PRKCA: variants seen among roughly 807,000 people sequenced by gnomAD.
The protein encoded by PRKCA is protein kinase C alpha type.
Under a neutral mutation model 87.0 loss-of-function variants are expected in PRKCA, and 27 were observed. That is an observed-to-expected ratio of 0.31 (90% CI 0.23 to 0.43). The LOEUF is 0.43. Ranked by LOEUF, PRKCA falls within the 20% of genes least tolerant of loss-of-function variation. The pLI, the probability that PRKCA is intolerant of heterozygous loss-of-function variation, is 1.00. For synonymous variants in PRKCA, 329 were observed against 311.1 expected (o/e 1.06, Z -0.61); for missense variants, 518 against 852.3 (o/e 0.61, Z 4.88).
chr17:66,509,674 G>A (rs565790056), intron 3 of PRKCA, among the ~76,000 whole-genome samples: 1 of 152,292 alleles, frequency 6.6e-6, no homozygotes, highest in South Asian at 2.1e-4. Context: ...ATGACCAAAT[G>A]TCTGGGCACC....
intron 5 of PRKCA, among the ~76,000 whole-genome samples, chr17:66,675,756 G>T (rs546491367): frequency 6.6e-6 from 1 of 152,080 alleles, no homozygotes; most frequent in East Asian, 1.9e-4. Context: ...CCTCTCCTGC[G>T]GCCACCGGAG....
intron 3 of PRKCA, among the ~76,000 whole-genome samples, chr17:66,556,887 G>A (rs1354467457): frequency 1.3e-5 from 2 of 152,144 alleles, no homozygotes; most frequent in African/African-American, 4.8e-5. Flanking sequence ...CCTTATAACA[G>A]CATGAGAATG....
At chr17:66,627,224 A>G (rs916436925) in intron 3 of PRKCA, among the ~76,000 whole-genome samples, 4 of 152,232 alleles carry the variant, frequency 2.6e-5, no homozygotes, top group African/African-American at 7.2e-5. Flanking sequence ...GCAAACTTCA[A>G]AATTTTTTAA....
Position 66,742,647 on chromosome 17 carries a change from T to C in PRKCA, c.1411T>C (p.Leu471=), listed in dbSNP as rs747591558. The C allele has an allele frequency of 2.5e-6, 4 of 1,614,164 alleles. No homozygotes were observed. The East Asian group carries it at 8.9e-5, about 36-fold the overall frequency. ...GGATCTGAAGTTAGATAACGTCATG[T>C]TGGATTCAGAAGGACATATCAAAAT... is the stretch of plus-strand genomic sequence containing the variant. The part of the protein sequence containing the change: ...YRDLKLDNVM[L]DSEGHIKIAD... Residue 471 remains leucine (L), a synonymous_variant, in exon 13 of 17, where the codon TTG becomes CTG. Coordinates refer to ENST00000413366, the MANE Select transcript of PRKCA (RefSeq NM_002737.3).
chr17:66,703,880 T>G (rs1861830173), intron 8 of PRKCA: 3 of 152,204 alleles, frequency 2.0e-5, no homozygotes, highest in Admixed American at 2.0e-4. Context: ...TATATAGTCA[T>G]TTATTATCGA....
In PRKCA at chr17:66,302,784, G is replaced by GC; in HGVS notation, c.-63dup. On this transcript the variant is annotated 5_prime_UTR_variant, in exon 1 of 17. Coordinates refer to ENST00000413366, the MANE Select transcript of PRKCA (RefSeq NM_002737.3). ...CCCGAGCCCGCACCTCTCCCCCGCC[G>GC]CCCCCGCCCACCCGGCCCTCCGCGG... 1.1e-4 allele frequency: 154 copies of GC among 1,354,324 alleles called. No individual in the cohort carries two copies. Among genetic ancestry groups the GC allele is most frequent in the Non-Finnish European group, 1.4e-4 (143 of 1,034,718 alleles). The allele number at this position is 1,354,324 out of a possible 1,614,324, so 83.9% of individuals were successfully genotyped here.
intron 8 of PRKCA, among the ~76,000 whole-genome samples, chr17:66,690,734 A>C (rs897353203): frequency 6.6e-6 from 1 of 151,162 alleles, no homozygotes; most frequent in Non-Finnish European, 1.5e-5. Flanking sequence ...AGGCTGAGAC[A>C]CGAGAATCAC....
chr17:66,778,310 G>C (rs1975111202), intron 14 of PRKCA: 1 of 731,970 alleles, frequency 1.4e-6, no homozygotes, highest in Non-Finnish European at 1.7e-6. Context: ...TCAGGAGATT[G>C]AGACCATCCT....
chr17:66,608,994 A>G (rs555803616), intron 3 of PRKCA, among the ~76,000 whole-genome samples: 22 of 152,350 alleles, frequency 1.4e-4, no homozygotes, highest in South Asian at 1.0e-3. Flanking sequence ...AGGAAGGCGA[A>G]CGAGGCCATG....
intron 8 of PRKCA, among the ~76,000 whole-genome samples, chr17:66,705,817 ATC>A (rs1973178885): frequency 6.6e-6 from 1 of 152,190 alleles, no homozygotes; most frequent in African/African-American, 2.4e-5. Context: ...TCATGGCTCT[ATC>A]TCAAGCACCT....
In PRKCA at chr17:66,392,729, A is replaced by G. The variant is rs139392575; in HGVS notation, c.205+86602A>G. ...AGCAACACCAAAATTCAATTTTTGC[A>G]TTTTAATAATAGCTTAATTTTGTGA... On this transcript the variant is annotated intron_variant, in intron 2 of 16. Transcript: ENST00000413366. Among the ~76,000 whole-genome samples the G allele has an allele frequency of 6.8e-3, 1,031 of 152,316 alleles. 19 individuals carry two copies. The highest frequency in any genetic ancestry group is 0.023 in the African/African-American group (968 of 41,578).
At chr17:66,793,109 A>G (rs577435619) in intron 16 of PRKCA, among the ~76,000 whole-genome samples, 71 of 152,318 alleles carry the variant, frequency 4.7e-4, no homozygotes, top group Middle Eastern at 3.4e-3. Flanking sequence ...CTTCCTCTTT[A>G]TGAGCAAAAC....
chr17:66,650,234 A>G (rs1971556341), intron 5 of PRKCA, among the ~76,000 whole-genome samples: 1 of 152,370 alleles, frequency 6.6e-6, no homozygotes, highest in Middle Eastern at 3.4e-3. Flanking sequence ...CTCCGTTTGC[A>G]GTCAGAGATG....
intron 2 of PRKCA, among the ~76,000 whole-genome samples, chr17:66,389,802 T>C (rs569625198): frequency 2.0e-5 from 3 of 152,394 alleles, no homozygotes; most frequent in South Asian, 2.1e-4. Context: ...CATTTCATTC[T>C]TACACATAGC....
intron 3 of PRKCA, among the ~76,000 whole-genome samples, chr17:66,608,722 C>A (rs1023731132): frequency 5.3e-5 from 8 of 152,114 alleles, no homozygotes; most frequent in Non-Finnish European, 8.8e-5. Context: ...TCATAAAGGT[C>A]TCCAGGAAGG....
intron 2 of PRKCA, among the ~76,000 whole-genome samples, chr17:66,372,776 G>A (rs911877900): frequency 6.6e-6 from 1 of 152,172 alleles, no homozygotes; most frequent in Non-Finnish European, 1.5e-5. Flanking sequence ...AGGGCAACAG[G>A]CCAGGCGCAG....
At chr17:66,470,548 G>A (rs901575486) in intron 2 of PRKCA, among the ~76,000 whole-genome samples, 4 of 151,920 alleles carry the variant, frequency 2.6e-5, no homozygotes, top group Admixed American at 2.6e-4. Flanking sequence ...TTTTTTACAG[G>A]GCAGAGACTG....
At chr17:66,307,578 A>T (rs930638147) in intron 2 of PRKCA, among the ~76,000 whole-genome samples, 42 of 152,160 alleles carry the variant, frequency 2.8e-4, no homozygotes, top group African/African-American at 9.2e-4. Context: ...TAAAACTTTT[A>T]TCATTTTCTG....
intron 5 of PRKCA, among the ~76,000 whole-genome samples, chr17:66,668,479 T>TGG (rs1439852486): frequency 6.6e-6 from 1 of 152,192 alleles, no homozygotes; most frequent in Non-Finnish European, 1.5e-5. Flanking sequence ...TGATCCTACC[T>TGG]GGCTCCAGCA....
Sources: gnomAD v4.1 joint callset for allele counts (sites outside exome capture counted in the v4.1 genomes callset) on GRCh38, gnomAD v4.1.1 for gene constraint, MANE v1.5 for transcripts, NCBI Gene and HGNC (gene_info 2026-07-23, HGNC 2026-07-21) for gene names.